The following ARPC4 variants were observed in gnomAD, a reference collection of about 807,000 sequenced individuals.
ARPC4 encodes the protein actin-related protein 2/3 complex subunit 4.
In ARPC4, 3 loss-of-function variants were observed where a neutral mutation model predicts 22.8. The observed-to-expected ratio is 0.13, with a 90% CI of 0.06 to 0.34. The LOEUF is 0.34. ARPC4 is among the 10% of genes least tolerant of loss of function. ARPC4 has a pLI of 1.00. For synonymous variants in ARPC4, 80 were observed against 72.5 expected (o/e 1.10, Z -0.52); for missense variants, 98 against 211.0 (o/e 0.46, Z 3.32).
chr3:9,806,376 A>G lies in ARPC4; in HGVS notation c.*161A>G. The G allele has an allele frequency of 1.2e-6, 1 of 826,944 alleles. No homozygotes were observed. Among genetic ancestry groups the G allele is most frequent in the South Asian group, 1.5e-5 (1 of 68,244 alleles). 51.2% of individuals were successfully genotyped at this position (826,944 alleles called of 1,614,324 possible). A position where few individuals can be genotyped will look rare whatever the true frequency, so the allele number is the denominator to read the frequency against. On this transcript the variant is annotated 3_prime_UTR_variant, in exon 6 of 6. Transcript: ENST00000397261. ...TGGTGTGCTTGCTAGCTGGGCAAGAAAGCAGCAGTGGACCTGCCCCAAGGC... is the reference window on the plus strand; with the variant it reads ...TGGTGTGCTTGCTAGCTGGGCAAGAGAGCAGCAGTGGACCTGCCCCAAGGC...
At chr3:9,805,495 G>A (rs965401896) in intron 5 of ARPC4, among the ~76,000 whole-genome samples, 2 of 152,240 alleles carry the variant, frequency 1.3e-5, no homozygotes, top group Admixed American at 1.3e-4. Flanking sequence ...AGTGGGCAGG[G>A]TGAGGAGCTG....
intron 1 of ARPC4, among the ~76,000 whole-genome samples, chr3:9,797,103 A>C (rs1430122008): frequency 3.3e-5 from 5 of 152,074 alleles, no homozygotes. Context: ...TTTGCTATCC[A>C]GTTGAGCTGT....
intron 1 of ARPC4, 49 bp downstream of exon 1, chr3:9,793,173 G>C: frequency 6.5e-7 from 1 of 1,531,558 alleles, no homozygotes; most frequent in Non-Finnish European, 8.8e-7. Context: ...TTCGGCCTCA[G>C]GGCAGTGGGT....
chr3:9,803,009 G>A (rs192969220), intron 4 of ARPC4, among the ~76,000 whole-genome samples: 119 of 151,944 alleles, frequency 7.8e-4, no homozygotes, highest in African/African-American at 2.6e-3. Flanking sequence ...TCAGCCTCCC[G>A]AGTAGCTGGG....
At chr3:9,794,294 TC>T (rs1164336460) in intron 1 of ARPC4, among the ~76,000 whole-genome samples, 1 of 151,854 alleles carries the variant, frequency 6.6e-6, no homozygotes, top group East Asian at 1.9e-4. Flanking sequence ...CGTCAGGAGA[TC>T]GAGACCATCC....
Position 9,800,263 on chromosome 3 carries a change from C to T in ARPC4, c.201C>T (p.Ile67=), listed in dbSNP as rs2078980326. 3.1e-6 allele frequency: 5 copies of T among 1,614,180 alleles called. No homozygotes were observed. In the East Asian group the frequency reaches 1.1e-4, roughly 36 times the overall value. Residue 67 remains isoleucine, a synonymous_variant, in exon 3 of 6, where the codon ATC becomes ATT. Coordinates refer to ENST00000397261, the MANE Select transcript of ARPC4 (RefSeq NM_005718.5). ...AAAAGGTTCTGATTGAGGGCTCCATCAACTCTGTCCGGGTCAGCATTGCTG... is the reference window on the plus strand; with the variant it reads ...AAAAGGTTCTGATTGAGGGCTCCATTAACTCTGTCCGGGTCAGCATTGCTG... ...EKEKVLIEGS[I]NSVRVSIAVK... is the part of the protein sequence containing the mutation.
chr3:9,796,277 C>G (rs2078883166), intron 1 of ARPC4, among the ~76,000 whole-genome samples: 1 of 152,142 alleles, frequency 6.6e-6, no homozygotes, highest in South Asian at 2.1e-4. Flanking sequence ...GCCTGTAATC[C>G]CAGCTACTCG....
intron 2 of ARPC4, 113 bp downstream of exon 2, chr3:9,797,890 C>T (rs1158642759): frequency 8.9e-7 from 1 of 1,128,878 alleles, no homozygotes; most frequent in African/African-American, 1.6e-5. Context: ...CTGCAGTTGA[C>T]ATTTTGTCTT....
At chr3:9,796,696 C>G (rs931232332) in intron 1 of ARPC4, among the ~76,000 whole-genome samples, 1 of 152,176 alleles carries the variant, frequency 6.6e-6, no homozygotes, top group African/African-American at 2.4e-5. Context: ...AAACCCAGCA[C>G]TTTGGGAGGC....
At chr3:9,796,680 G>A (rs1408429792) in intron 1 of ARPC4, among the ~76,000 whole-genome samples, 2 of 152,138 alleles carry the variant, frequency 1.3e-5, no homozygotes, top group East Asian at 1.9e-4. Context: ...GGTGGCTCAC[G>A]CCTGTAAACC....
At chr3:9,799,155 C>A (rs189892634) in intron 2 of ARPC4, among the ~76,000 whole-genome samples, 2 of 152,102 alleles carry the variant, frequency 1.3e-5, no homozygotes. Flanking sequence ...TCATAGGGGT[C>A]TCAGAGGCAA....
intron 3 of ARPC4, among the ~76,000 whole-genome samples, chr3:9,801,088 G>C (rs1281712015): frequency 6.6e-6 from 1 of 151,848 alleles, no homozygotes; most frequent in African/African-American, 2.4e-5. Context: ...GCACGCGCCT[G>C]TAATCCCAGC....
chr3:9,798,836 C>T (rs1370533123), intron 2 of ARPC4, among the ~76,000 whole-genome samples: 3 of 151,722 alleles, frequency 2.0e-5, no homozygotes, highest in East Asian at 1.9e-4. Context: ...ATCGTGCCAC[C>T]GCACTCCAGC....
chr3:9,793,961 A>T (rs914242197), intron 1 of ARPC4, among the ~76,000 whole-genome samples: 1 of 151,982 alleles, frequency 6.6e-6, no homozygotes, highest in East Asian at 1.9e-4. Flanking sequence ...TTGAAATTAG[A>T]CCTCTAGTTC....
intron 1 of ARPC4, among the ~76,000 whole-genome samples, chr3:9,793,684 A>G (rs1044267033): frequency 1.3e-5 from 2 of 152,102 alleles, no homozygotes; most frequent in Non-Finnish European, 2.9e-5. Context: ...GCCTTAGTGT[A>G]TGTTAGCTGT....
At chr3:9,796,663 A>C (rs755925436) in intron 1 of ARPC4, among the ~76,000 whole-genome samples, 18 of 151,914 alleles carry the variant, frequency 1.2e-4, no homozygotes, top group Non-Finnish European at 2.4e-4. Context: ...TTATTCTGGC[A>C]GGGTGTGGTG....
rs1311346631 is a variant in ARPC4, at chr3:9,807,073, T to A, written c.*858T>A. 1 of 152,496 alleles carries A rather than the reference T, an allele frequency of 6.6e-6. No individual in the cohort carries two copies. Among genetic ancestry groups the A allele is most frequent in the Non-Finnish European group, 1.5e-5 (1 of 68,252 alleles). The allele number at this position is 152,496 out of a possible 1,614,324, so 9.4% of individuals were successfully genotyped here. On this transcript the variant is annotated 3_prime_UTR_variant, in exon 6 of 6. Transcript: ENST00000397261. Reference sequence around the variant, plus strand: ...TGGATCCTCCCTCCCCTAATTAAAGTCTCTTTTTGCCCCTTTGGGGCTGCA... The same window carrying A: ...TGGATCCTCCCTCCCCTAATTAAAGACTCTTTTTGCCCCTTTGGGGCTGCA...
intron 2 of ARPC4, chr3:9,799,874 C>G (rs1485323921): frequency 1.9e-6 from 1 of 514,784 alleles, no homozygotes; most frequent in Non-Finnish European, 3.8e-6. Context: ...TTTGATCTCT[C>G]TCAGTCCTCG....
At position 9,806,410 on chromosome 3, in the gene ARPC4, C is replaced by T; in HGVS notation, c.*195C>T. ...TGGACCTGCCCCAAGGCCACACGTG[C>T]CTGGTCAGGCTGGCTTCTGATGTTC... On this transcript the variant is annotated 3_prime_UTR_variant, in exon 6 of 6. Coordinates refer to ENST00000397261, the MANE Select transcript of ARPC4 (RefSeq NM_005718.5). 1 of 658,906 alleles carries T rather than the reference C, an allele frequency of 1.5e-6. No individual in the cohort carries two copies. The highest frequency in any genetic ancestry group is 2.7e-5 in the East Asian group (1 of 37,078). 40.8% of individuals were successfully genotyped at this position (658,906 alleles called of 1,614,324 possible).
Sources: allele counts gnomAD v4.1 joint callset (sites outside exome capture counted in the v4.1 genomes callset), GRCh38; gene constraint gnomAD v4.1.1; transcripts MANE v1.5; gene names NCBI Gene and HGNC (gene_info 2026-07-23, HGNC 2026-07-21).